Variants in PRDM16 observed in about 807,000 individuals in gnomAD.
The protein encoded by PRDM16 is histone-lysine N-methyltransferase PRDM16.
In PRDM16, 23 loss-of-function variants were observed where a neutral mutation model predicts 110.6. The observed-to-expected ratio is 0.21, with a 90% CI of 0.15 to 0.29. PRDM16 has a LOEUF of 0.29. Ranked by LOEUF, PRDM16 falls within the 10% of genes least tolerant of loss-of-function variation. The pLI is 1.00. For missense variants in PRDM16, 1,615 were observed against 1,794.3 expected, an observed-to-expected ratio of 0.90 and a Z score of 1.81; for synonymous variants, 799 against 781.8, an observed-to-expected ratio of 1.02 and a Z score of -0.37.
chr1:3,431,873 A>G (rs2100704037), intron 15 of PRDM16, 93 bp from the exon 16 acceptor site: 1 of 1,307,320 alleles, frequency 7.6e-7, no homozygotes, highest in Non-Finnish European at 1.1e-6. Flanking sequence ...AGCGGCGTGC[A>G]TGCAGGCCCG....
At chr1:3,329,330 G>T (rs995284517) in intron 3 of PRDM16, among the ~76,000 whole-genome samples, 8 of 152,168 alleles carry the variant, frequency 5.3e-5, no homozygotes, top group Non-Finnish European at 1.2e-4. Context: ...CATCTGAGGG[G>T]TCAAGCATCC....
At chr1:3,135,512 T>G (rs1643419539) in intron 1 of PRDM16, among the ~76,000 whole-genome samples, 1 of 152,166 alleles carries the variant, frequency 6.6e-6, no homozygotes, top group Non-Finnish European at 1.5e-5. Context: ...CCAAGGCCAG[T>G]AGGGGCTGCA....
chr1:3,255,748 C>T lies in PRDM16; in HGVS notation c.438+11611C>T, dbSNP rs1239587764. ...GGGAGTTGTGAAATATTCCTGGTGG[C>T]AGCAGAAGAAGACAGCAGACACACA... is the stretch of plus-strand genomic sequence containing the variant. On this transcript the variant is annotated intron_variant, in intron 3 of 16. Transcript: ENST00000270722. This position sits in a 1 kb window ranked among gnomAD's most constrained non-coding sequence, Gnocchi z 4.7. Among the ~76,000 whole-genome samples the T allele has an allele frequency of 6.6e-6, 1 of 152,158 alleles. No homozygotes were observed. The highest frequency in any genetic ancestry group is 2.4e-5 in the African/African-American group (1 of 41,436).
rs1181335618 is a variant in PRDM16 at position 3,186,323 on chromosome 1, C to T, written c.236C>T (p.Pro79Leu). ...CCTGTCTACATTCCTGAAGACATTC[C>T]GATCCCAGCAGACTTCGAGCTCCGA... The part of the protein sequence containing the change: ...EAPVYIPEDI[P>L]IPADFELRES... Residue 79 changes from proline (P) to leucine (L), a missense_variant, in exon 2 of 17, where the codon CCG (proline) becomes CTG (leucine). Pro to Leu is a moderately conservative substitution (Grantham distance 98). This residue lies in a region of PRDM16 where 416 missense variants were observed against 467.1 expected (regional missense o/e 0.89). Transcript: ENST00000270722. 18 of 1,612,076 alleles carry T rather than the reference C, an allele frequency of 1.1e-5. No individual in the cohort carries two copies. Among genetic ancestry groups the T allele is most frequent in the East Asian group, 4.5e-5 (2 of 44,858 alleles).
At chr1:3,396,409 G>T (rs570758643) in intron 4 of PRDM16, 82 bp from the exon 5 acceptor site, 2 of 795,212 alleles carry the variant, frequency 2.5e-6, no homozygotes, top group African/African-American at 1.7e-5. Flanking sequence ...CGTCCACAGT[G>T]TGAGGGCTGA....
intron 3 of PRDM16, among the ~76,000 whole-genome samples, chr1:3,273,690 T>G (rs1006536662): frequency 3.3e-5 from 5 of 151,872 alleles, no homozygotes; most frequent in Non-Finnish European, 5.9e-5. Flanking sequence ...TGTGTGCATG[T>G]GGCAGGTGTG....
chr1:3,417,787 GAGTC>G (rs769742054), intron 10 of PRDM16, 37 bp from the exon 11 acceptor site: 16 of 1,585,134 alleles, frequency 1.0e-5, no homozygotes, highest in Middle Eastern at 3.3e-4. Flanking sequence ...AGACAGGTGA[GAGTC>G]AGCTGAGTCC....
chr1:3,133,098 C>T (rs367944345), intron 1 of PRDM16: 12 of 152,266 alleles, frequency 7.9e-5, no homozygotes, highest in African/African-American at 2.9e-4. Context: ...ACTGAGTGGT[C>T]CACACCAGCC....
chr1:3,072,795 A>G (rs1166015749), intron 1 of PRDM16, among the ~76,000 whole-genome samples: 2 of 151,914 alleles, frequency 1.3e-5, no homozygotes, highest in African/African-American at 4.8e-5. Context: ...GGACGAAAAC[A>G]CAGAGGCTGC....
At chr1:3,225,538 G>C (rs1569876923) in intron 2 of PRDM16, among the ~76,000 whole-genome samples, 1 of 90,082 alleles carries the variant, frequency 1.1e-5, no homozygotes. Context: ...GCCTGTGTGT[G>C]TGTGTGTGTG....
chr1:3,383,079 G>A (rs192830676), intron 3 of PRDM16, among the ~76,000 whole-genome samples: 7 of 152,316 alleles, frequency 4.6e-5, no homozygotes, highest in African/African-American at 1.2e-4. Flanking sequence ...CAGAATTCAC[G>A]GCCAACCCTG....
intron 1 of PRDM16, among the ~76,000 whole-genome samples, chr1:3,181,526 GCGGTCTTACACA>G (rs1475079832): frequency 2.2e-4 from 2 of 9,218 alleles, no homozygotes; most frequent in Non-Finnish European, 4.1e-4. Flanking sequence ...TCTTACACAA[GCGGTCTTACACA>G]CGGTCTTACA....
rs1397962991 is a variant in PRDM16, at chr1:3,265,034, G to A, written c.438+20897G>A. 6.6e-6 allele frequency among the ~76,000 whole-genome samples: 1 copy of A among 151,800 alleles called. No individual in the cohort carries two copies. Among genetic ancestry groups the A allele is most frequent in the Non-Finnish European group, 1.5e-5 (1 of 67,928 alleles). ...TTCTGAGCACAGAGAAACCTGAGCT[G>A]AGCCACTGAGTCCCCCAGCCTCTCT... On this transcript the variant is annotated intron_variant, in intron 3 of 16. Transcript: ENST00000270722. This position sits in a 1 kb window ranked among gnomAD's most constrained non-coding sequence, Gnocchi z 4.5.
intron 1 of PRDM16, among the ~76,000 whole-genome samples, chr1:3,084,944 C>T (rs1054038304): frequency 1.3e-5 from 2 of 152,154 alleles, no homozygotes; most frequent in Non-Finnish European, 2.9e-5. Context: ...AGCTCAGCCG[C>T]GCACCCTGCG....
intron 2 of PRDM16, among the ~76,000 whole-genome samples, chr1:3,187,668 T>C (rs1644286619): frequency 6.6e-6 from 1 of 152,152 alleles, no homozygotes; most frequent in Non-Finnish European, 1.5e-5. Flanking sequence ...GCTGCAGAGC[T>C]GAGTGCATCC....
At chr1:3,090,056 T>C (rs899878841) in intron 1 of PRDM16, among the ~76,000 whole-genome samples, 5 of 152,286 alleles carry the variant, frequency 3.3e-5, no homozygotes, top group Admixed American at 3.3e-4. Context: ...AAATAAGATA[T>C]AACCCCCGCA....
At chr1:3,085,242 G>C (rs1642123502) in intron 1 of PRDM16, among the ~76,000 whole-genome samples, 1 of 152,200 alleles carries the variant, frequency 6.6e-6, no homozygotes, top group African/African-American at 2.4e-5. Context: ...GCCTGGGTGG[G>C]TGCTGGGAGG....
chr1:3,355,982 T>C (rs996269165), intron 3 of PRDM16, among the ~76,000 whole-genome samples: 6 of 151,790 alleles, frequency 4.0e-5, no homozygotes, highest in African/African-American at 1.2e-4. Context: ...TCTGGGCACA[T>C]CCTGATGAGT....
intron 3 of PRDM16, among the ~76,000 whole-genome samples, chr1:3,276,395 A>T (rs2455131): frequency 6.6e-6 from 1 of 151,900 alleles, no homozygotes; most frequent in South Asian, 2.1e-4. Context: ...GCACCCCTGA[A>T]CCTCTGGGAG....
Sources: allele counts gnomAD v4.1 joint callset (sites outside exome capture counted in the v4.1 genomes callset), GRCh38; gene constraint gnomAD v4.1.1; regional missense constraint gnomAD v4.1.1; non-coding constraint Gnocchi (gnomAD v3.1); transcripts MANE v1.5; gene names NCBI Gene and HGNC (gene_info 2026-07-23, HGNC 2026-07-21).